Variants in FRMPD4 observed in about 807,000 individuals in gnomAD.
FRMPD4 encodes FERM and PDZ domain containing 4.
In FRMPD4, 22 loss-of-function variants were observed where a neutral mutation model predicts 94.1. The observed-to-expected ratio is 0.23, with a 90% CI of 0.17 to 0.33. FRMPD4 has a LOEUF of 0.33. Among genes scored for constraint, FRMPD4 ranks in the 10% least tolerant of loss-of-function variants. The pLI is 1.00. For missense variants in FRMPD4, 1,111 were observed against 1,339.9 expected, an observed-to-expected ratio of 0.83 and a Z score of 2.67; for synonymous variants, 631 against 548.6, an observed-to-expected ratio of 1.15 and a Z score of -2.10.
chrX:12,352,041 G>T (rs2055823159), intron 1 of FRMPD4, among the ~76,000 whole-genome samples: 1 of 111,716 alleles, frequency 9.0e-6, no homozygotes, highest in African/African-American at 3.3e-5. Context: ...GAGCCAAAAG[G>T]TATTTTTCAT....
rs1255027796 is a variant in FRMPD4 at position 12,583,578 on chromosome X, G to A, written c.159-26143G>A. 1.5e-5 allele frequency: 10 copies of A among 684,757 alleles called. No individual in the cohort carries two copies. The East Asian group carries it at 3.4e-4, about 23-fold the overall frequency. 56.4% of individuals were successfully genotyped at this position (684,757 alleles called of 1,213,427 possible). A position where few individuals can be genotyped will look rare whatever the true frequency, so the allele number is the denominator to read the frequency against. ...GCTCCAGCGCAAGCCAGGCCTAACC[G>A]CACCAGCTGAGCCTCAGTGCTGGTA... On this transcript the variant is annotated intron_variant, in intron 2 of 16. Transcript: ENST00000675598.
At chrX:12,009,751 A>G (rs902621465) in intron 3 of FRMPD4, among the ~76,000 whole-genome samples, 22 of 112,161 alleles carry the variant, frequency 2.0e-4, no homozygotes, top group Non-Finnish European at 3.8e-4. Flanking sequence ...ACAAACAGAG[A>G]AGGGAGAATC....
chrX:12,109,385 G>A (rs1465544836), intron 3 of FRMPD4, among the ~76,000 whole-genome samples: 1 of 111,865 alleles, frequency 8.9e-6, no homozygotes, highest in East Asian at 2.8e-4. Context: ...TGAGAACAAA[G>A]GTACAACATA....
chrX:12,231,005 A>AG (rs2056987811), intron 1 of FRMPD4, among the ~76,000 whole-genome samples: 3 of 51,847 alleles, frequency 5.8e-5, no homozygotes, highest in African/African-American at 2.1e-4. Context: ...TATATATAAT[A>AG]TATAGTATAT....
chrX:11,906,666 C>G (rs752896077), intron 3 of FRMPD4, among the ~76,000 whole-genome samples: 14 of 110,621 alleles, frequency 1.3e-4, no homozygotes, highest in Non-Finnish European at 2.3e-4. Flanking sequence ...GGCTTTTTAA[C>G]AGTCCAACTA....
intron 1 of FRMPD4, among the ~76,000 whole-genome samples, chrX:12,349,111 A>T (rs12009096): frequency 0.017 from 1,889 of 111,258 alleles, 50 homozygotes; most frequent in African/African-American, 0.058. Context: ...ACCCATGGTG[A>T]GGTAAGGTTG....
chrX:11,967,752 G>GTTTT (rs1368831900), intron 3 of FRMPD4, among the ~76,000 whole-genome samples: 1 of 77,888 alleles, frequency 1.3e-5, no homozygotes, highest in East Asian at 5.3e-4. Context: ...GTGTGTGTGT[G>GTTTT]TGTGTTTTTT....
At chrX:12,648,202 C>T (rs933971768) in intron 4 of FRMPD4, among the ~76,000 whole-genome samples, 1 of 111,618 alleles carries the variant, frequency 9.0e-6, no homozygotes, top group African/African-American at 3.3e-5. Context: ...TCAATGCTGT[C>T]TTTCCCAACT....
intron 1 of FRMPD4, among the ~76,000 whole-genome samples, chrX:12,447,359 G>T (rs1451367691): frequency 9.0e-6 from 1 of 111,690 alleles, no homozygotes; most frequent in Non-Finnish European, 1.9e-5. Flanking sequence ...CAAAAGTATT[G>T]CCAGATATTG....
Position 12,214,203 on chromosome X carries a change from G to A in FRMPD4, c.41+75191G>A, listed in dbSNP as rs1057111439. Among the ~76,000 whole-genome samples, 4 of 111,504 alleles carry A rather than the reference G, an allele frequency of 3.6e-5. No individual in the cohort carries two copies. In the Admixed American group the frequency reaches 3.8e-4, roughly 11 times the overall value. ...ATTTTTTTTCTTGGTGACTGGCATT[G>A]TTGAAGGAGTTCATTCCTGATTACT... On this transcript the variant is annotated intron_variant, in intron 1 of 16. Coordinates refer to ENST00000675598, the MANE Select transcript of FRMPD4 (RefSeq NM_001368397.1).
chrX:12,614,227 T>C (rs2059212886), intron 3 of FRMPD4: 1 of 111,808 alleles, frequency 8.9e-6, no homozygotes, highest in South Asian at 3.8e-4. Flanking sequence ...TATCTTACGA[T>C]TCCCCACAGT....
At chrX:12,682,313 T>C (rs1416581777) in intron 5 of FRMPD4, among the ~76,000 whole-genome samples, 1 of 112,317 alleles carries the variant, frequency 8.9e-6, no homozygotes, top group Non-Finnish European at 1.9e-5. Flanking sequence ...GTCACCCTAG[T>C]TGGCTTTTGT....
At chrX:12,212,196 C>A (rs1316277478) in intron 1 of FRMPD4, among the ~76,000 whole-genome samples, 1 of 111,206 alleles carries the variant, frequency 9.0e-6, no homozygotes, top group Non-Finnish European at 1.9e-5. Context: ...AAGAAAACAA[C>A]CATTTAAAAA....
intron 1 of FRMPD4, among the ~76,000 whole-genome samples, chrX:12,249,232 C>T (rs1367869434): frequency 9.0e-6 from 1 of 111,167 alleles, no homozygotes; most frequent in Non-Finnish European, 1.9e-5. Flanking sequence ...ATAATAGGCA[C>T]ACAAGGCATT....
At chrX:12,183,419 T>C (rs979337932) in intron 1 of FRMPD4, among the ~76,000 whole-genome samples, 2 of 112,282 alleles carry the variant, frequency 1.8e-5, no homozygotes, top group African/African-American at 6.5e-5. Context: ...TTTACATTCA[T>C]TGAACATGCA....
chrX:12,201,641 TTAAGA>T (rs2056631969), intron 1 of FRMPD4, among the ~76,000 whole-genome samples: 1 of 112,067 alleles, frequency 8.9e-6, no homozygotes. Flanking sequence ...CTGTACCTTC[TTAAGA>T]TGAGTCCAGA....
chrX:12,544,857 A>G (rs2148318519), intron 2 of FRMPD4, among the ~76,000 whole-genome samples: 1 of 111,761 alleles, frequency 8.9e-6, no homozygotes, highest in African/African-American at 3.2e-5. Flanking sequence ...GGTGAATTAT[A>G]TACAATACCC....
At chrX:12,409,066 A>G (rs1249084149) in intron 1 of FRMPD4, among the ~76,000 whole-genome samples, 2 of 111,626 alleles carry the variant, frequency 1.8e-5, no homozygotes, top group African/African-American at 6.5e-5. Flanking sequence ...GCACTCAGCC[A>G]TTGATAACTG....
At chrX:12,231,047 T>A (rs776395643) in intron 1 of FRMPD4, among the ~76,000 whole-genome samples, 874 of 31,719 alleles carry the variant, frequency 0.028, 37 homozygotes, top group African/African-American at 0.086. Flanking sequence ...TATATATATA[T>A]AAAATATATA....
Sources: gnomAD v4.1 joint callset for allele counts (sites outside exome capture counted in the v4.1 genomes callset) on GRCh38, gnomAD v4.1.1 for gene constraint, MANE v1.5 for transcripts, NCBI Gene and HGNC (gene_info 2026-07-23, HGNC 2026-07-21) for gene names.